Variants in DOC2B observed in about 807,000 individuals in gnomAD.
DOC2B encodes the protein double C2 domain beta, also known as double C2-like domain-containing protein beta.
Under a neutral mutation model 28.9 loss-of-function variants are expected in DOC2B, and 21 were observed. The observed-to-expected ratio is 0.73, with a 90% CI of 0.52 to 1.05. DOC2B has a LOEUF of 1.05. Ranked by LOEUF, DOC2B falls within the 50% of genes least tolerant of loss-of-function variation. DOC2B has a pLI of 0.00. For missense variants in DOC2B, 384 were observed against 421.1 expected, an observed-to-expected ratio of 0.91 and a Z score of 0.77; for synonymous variants, 194 against 178.1, an observed-to-expected ratio of 1.09 and a Z score of -0.71.
intron 2 of DOC2B, among the ~76,000 whole-genome samples, chr17:169,149 A>C (rs1421297883): frequency 6.6e-6 from 1 of 152,098 alleles, no homozygotes; most frequent in Non-Finnish European, 1.5e-5. Context: ...ATTCAGCCTG[A>C]AAAGGAAGTT....
chr17:165,040 C>T (rs1044099663), intron 2 of DOC2B, among the ~76,000 whole-genome samples: 22 of 152,148 alleles, frequency 1.4e-4, no homozygotes, highest in African/African-American at 4.6e-4. Context: ...CACCCCACCT[C>T]GGTTTGACGG....
chr17:170,372 G>A (rs1047008927), intron 2 of DOC2B, among the ~76,000 whole-genome samples: 2 of 152,312 alleles, frequency 1.3e-5, no homozygotes, highest in Admixed American at 6.5e-5. Flanking sequence ...ACCTACCCAT[G>A]GCAGTCCACA....
chr17:177,495 C>G (rs1352833124), intron 1 of DOC2B, among the ~76,000 whole-genome samples: 1 of 152,236 alleles, frequency 6.6e-6, no homozygotes, highest in African/African-American at 2.4e-5. Context: ...CCTCCCTTTC[C>G]TCTTTTCCCT....
Position 162,189 on chromosome 17 carries a change from G to A in DOC2B, c.530C>T (p.Ala177Val). ...KLHLLPGASK[A>V]NKLRTKTLRN... is the part of the protein sequence containing the mutation. ...GAGAGTTTTTGTTCTGAGCTTATTT[G>A]CCTGGAGAAGAGAAAAATGATCTTA... The change falls in exon 4 of 9, where the codon GCA becomes GTA. Residue 177 changes from alanine (A) to valine (V), a missense_variant and splice_region_variant. Coordinates refer to ENST00000613549, the MANE Select transcript of DOC2B (RefSeq NM_003585.5). 1.9e-6 allele frequency: 3 copies of A among 1,549,566 alleles called. No individual in the cohort carries two copies. Among genetic ancestry groups the A allele is most frequent in the Non-Finnish European group, 2.6e-6 (3 of 1,144,990 alleles).
intron 1 of DOC2B, among the ~76,000 whole-genome samples, chr17:179,254 G>A (rs79868522): frequency 1.3e-5 from 2 of 152,166 alleles, no homozygotes; most frequent in South Asian, 4.1e-4. Flanking sequence ...CCCCTGCACC[G>A]CATGTATCTC....
Position 177,717 on chromosome 17 carries a change from A to G in DOC2B, c.373+3390T>C, listed in dbSNP as rs777240196. On this transcript the variant is annotated intron_variant, in intron 1 of 8. Transcript: ENST00000613549. Reference sequence around the variant, plus strand: ...GTGCCTAACACAGAGCCTGCCACATAGTTGGTGCCGTAACATCGAGTGCAT... The same window carrying G: ...GTGCCTAACACAGAGCCTGCCACATGGTTGGTGCCGTAACATCGAGTGCAT... Among the ~76,000 whole-genome samples, 7 of 152,230 alleles carry G rather than the reference A, an allele frequency of 4.6e-5. No homozygotes were observed. In the East Asian group the frequency reaches 9.6e-4, roughly 21 times the overall value.
chr17:180,122 A>C (rs1162309130), intron 1 of DOC2B, among the ~76,000 whole-genome samples: 10 of 152,234 alleles, frequency 6.6e-5, no homozygotes, highest in Non-Finnish European at 1.5e-4. Flanking sequence ...GGGTTTGACG[A>C]GACGCTGGTT....
Position 164,104 on chromosome 17 carries a change from G to A in DOC2B, c.528+26C>T, listed in dbSNP as rs369502162. 7.2e-6 allele frequency: 11 copies of A among 1,530,302 alleles called. No homozygotes were observed. In the African/African-American group the frequency reaches 1.5e-4, roughly 21 times the overall value. The allele number at this position is 1,530,302 out of a possible 1,614,324, so 94.8% of individuals were successfully genotyped here. ...GAGGTGGTGGGCGGGTGCAGCTGGTGGGCAGGCCTGGGTGGAACCCCTCAC... is the reference window on the plus strand; with the variant it reads ...GAGGTGGTGGGCGGGTGCAGCTGGTAGGCAGGCCTGGGTGGAACCCCTCAC... On this transcript the variant is annotated intron_variant, in intron 3 of 8. Coordinates refer to ENST00000613549, the MANE Select transcript of DOC2B (RefSeq NM_003585.5).
intron 2 of DOC2B, among the ~76,000 whole-genome samples, chr17:165,041 G>T (rs906835919): frequency 6.6e-6 from 1 of 152,034 alleles, no homozygotes; most frequent in Non-Finnish European, 1.5e-5. Context: ...ACCCCACCTC[G>T]GTTTGACGGA....
At position 181,008 on chromosome 17, in the gene DOC2B, A is replaced by C; in HGVS notation, c.373+99T>G. 2.5e-5 allele frequency: 25 copies of C among 1,007,574 alleles called. No individual in the cohort carries two copies. The highest frequency in any genetic ancestry group is 3.2e-5 in the Non-Finnish European group (25 of 791,156). The allele number at this position is 1,007,574 out of a possible 1,614,324, so 62.4% of individuals were successfully genotyped here. Reference sequence around the variant, plus strand: ...GGGTTGTGAACCGAGGCAGAGCGCGAGCGCGCGAGGGGGACCGGCGGAGGG... The same window carrying C: ...GGGTTGTGAACCGAGGCAGAGCGCGCGCGCGCGAGGGGGACCGGCGGAGGG... On this transcript the variant is annotated intron_variant, in intron 1 of 8. Transcript: ENST00000613549. This position sits in a 1 kb window ranked among gnomAD's most constrained non-coding sequence, Gnocchi z 7.0.
At chr17:151,342 T>TTGG (rs1382014201) in intron 6 of DOC2B, among the ~76,000 whole-genome samples, 11 of 152,216 alleles carry the variant, frequency 7.2e-5, no homozygotes, top group Non-Finnish European at 1.0e-4. Context: ...TCTGAAATGC[T>TTGG]TGGACCAGAT....
At chr17:180,503 A>G (rs1251345907) in intron 1 of DOC2B, among the ~76,000 whole-genome samples, 1 of 151,960 alleles carries the variant, frequency 6.6e-6, no homozygotes, top group Non-Finnish European at 1.5e-5. Context: ...CCGGAGGAGG[A>G]AACGCCAAGG....
At chr17:174,444 G>T (rs1276649131) in intron 1 of DOC2B, among the ~76,000 whole-genome samples, 1 of 152,164 alleles carries the variant, frequency 6.6e-6, no homozygotes, top group Non-Finnish European at 1.5e-5. Flanking sequence ...AACAGTACTG[G>T]CTTCTCTAAG....
intron 3 of DOC2B, among the ~76,000 whole-genome samples, chr17:162,770 T>C (rs1419411254): frequency 2.0e-5 from 3 of 152,158 alleles, no homozygotes; most frequent in African/African-American, 7.2e-5. Flanking sequence ...TGCCACGGGG[T>C]AGGTTCTGCA....
At chr17:166,415 C>G (rs576793665) in intron 2 of DOC2B, among the ~76,000 whole-genome samples, 2 of 152,242 alleles carry the variant, frequency 1.3e-5, no homozygotes, top group Non-Finnish European at 2.9e-5. Context: ...ACATGCTCCC[C>G]AGCTTGGGAG....
intron 5 of DOC2B, among the ~76,000 whole-genome samples, chr17:158,679 A>G (rs2151463994): frequency 6.6e-6 from 1 of 152,288 alleles, no homozygotes. Flanking sequence ...GCTCAGGCAG[A>G]GCTTTGTGTG....
Position 143,332 on chromosome 17 carries a change from T to TA in DOC2B, c.*4108_*4109insT, listed in dbSNP as rs1422098641. The TA allele has an allele frequency of 0.42, 42,771 of 102,998 alleles. 7,281 individuals are homozygous for TA. Among genetic ancestry groups the TA allele is most frequent in the East Asian group, 0.49 (1,556 of 3,174 alleles). 6.4% of individuals were successfully genotyped at this position (102,998 alleles called of 1,614,324 possible). Reference sequence around the variant, plus strand: ...CACCCTCCCCTCCTACCCTTCCAAATCTTTTTTTTTTTTTTTTGACAAGGT... The same window carrying TA: ...CACCCTCCCCTCCTACCCTTCCAAATACTTTTTTTTTTTTTTTTGACAAGGT... On this transcript the variant is annotated 3_prime_UTR_variant, in exon 9 of 9. Transcript: ENST00000613549.
intron 5 of DOC2B, among the ~76,000 whole-genome samples, chr17:160,715 A>G (rs2040191443): frequency 6.6e-6 from 1 of 152,178 alleles, no homozygotes; most frequent in African/African-American, 2.4e-5. Flanking sequence ...AGGTGAGGCC[A>G]TAGACAAGGG....
intron 6 of DOC2B, among the ~76,000 whole-genome samples, chr17:151,041 G>A (rs9747082): frequency 0.82 from 124,642 of 151,684 alleles, 51,469 homozygotes; most frequent in East Asian, 0.86. Context: ...CATATTCTCT[G>A]TGTTGATTCT....
Sources: gnomAD v4.1 joint callset for allele counts (sites outside exome capture counted in the v4.1 genomes callset) on GRCh38, gnomAD v4.1.1 for gene constraint, Gnocchi (gnomAD v3.1) non-coding constraint, MANE v1.5 for transcripts, NCBI Gene and HGNC (gene_info 2026-07-23, HGNC 2026-07-21) for gene names.